Variants in RALGAPA1 observed in about 807,000 individuals in gnomAD.
RALGAPA1 encodes the protein ral GTPase-activating protein subunit alpha-1.
In RALGAPA1, 52 loss-of-function variants were observed where a neutral mutation model predicts 269.6. The ratio of observed to expected loss-of-function variants is 0.19; its 90% CI spans 0.15 to 0.24. The LOEUF (loss-of-function observed/expected upper bound fraction) is 0.24. Ranked by LOEUF, RALGAPA1 falls within the 10% of genes least tolerant of loss-of-function variation. RALGAPA1 has a pLI of 1.00. For missense variants in RALGAPA1, 1,917 were observed against 3,013.9 expected (o/e 0.64, Z 8.52); for synonymous variants, 817 against 1,008.3 (o/e 0.81, Z 3.60).
At chr14:35,618,201 A>C (rs1594835717) in intron 35 of RALGAPA1, among the ~76,000 whole-genome samples, 1 of 152,254 alleles carries the variant, frequency 6.6e-6, no homozygotes, top group East Asian at 1.9e-4. Flanking sequence ...TAACTACATA[A>C]TCTGCTAATA....
At chr14:35,781,660 A>G (rs992689108) in intron 1 of RALGAPA1, among the ~76,000 whole-genome samples, 3 of 152,100 alleles carry the variant, frequency 2.0e-5, no homozygotes, top group Non-Finnish European at 4.4e-5. Context: ...TCATCCCAGA[A>G]GGCAAGGTTG....
At chr14:35,682,703 T>C (rs1039150018) in intron 21 of RALGAPA1, among the ~76,000 whole-genome samples, 15 of 152,202 alleles carry the variant, frequency 9.9e-5, no homozygotes, top group African/African-American at 3.1e-4. Context: ...TAAGTATCTT[T>C]TCATTTACAT....
At position 35,761,024 on chromosome 14, in the gene RALGAPA1, T is replaced by TA; in HGVS notation, c.370-19dup. ...CGCCTAATCTAAAATAAAATGAAAA[T>TA]AGACAGTATTTTTATTTATAATGGA... On this transcript the variant is annotated intron_variant, in intron 5 of 41. Transcript: ENST00000680220. 1 of 1,540,762 alleles carries TA rather than the reference T, an allele frequency of 6.5e-7. No homozygotes were observed. The highest frequency in any genetic ancestry group is 2.0e-5 in the Admixed American group (1 of 51,000).
intron 41 of RALGAPA1, among the ~76,000 whole-genome samples, chr14:35,540,325 T>C: frequency 6.6e-6 from 1 of 152,182 alleles, no homozygotes; most frequent in East Asian, 1.9e-4. Context: ...AAAGGCAAAC[T>C]GACTCCCCCA....
intron 1 of RALGAPA1, among the ~76,000 whole-genome samples, chr14:35,803,675 A>C (rs1301471399): frequency 1.3e-5 from 2 of 149,498 alleles, no homozygotes; most frequent in African/African-American, 5.0e-5. Context: ...TCTGTTACCC[A>C]GGCTAGGGTG....
intron 35 of RALGAPA1, among the ~76,000 whole-genome samples, chr14:35,621,351 C>G (rs2060613031): frequency 6.6e-6 from 1 of 152,118 alleles, no homozygotes; most frequent in Admixed American, 6.5e-5. Context: ...ACACCTTATA[C>G]AAAAATTAAT....
chr14:35,759,534 A>C (rs938698509), intron 6 of RALGAPA1, among the ~76,000 whole-genome samples: 1 of 152,124 alleles, frequency 6.6e-6, no homozygotes, highest in Non-Finnish European at 1.5e-5. Context: ...AGAATAAAGA[A>C]ATAACTTTAA....
At chr14:35,735,107 C>T (rs968852217) in intron 12 of RALGAPA1, among the ~76,000 whole-genome samples, 1 of 151,694 alleles carries the variant, frequency 6.6e-6, no homozygotes, top group Non-Finnish European at 1.5e-5. Context: ...TTTTACATTG[C>T]TGGTGGGGAT....
At chr14:35,554,338 CTTTTTTTT>C (rs869302363) in intron 39 of RALGAPA1, among the ~76,000 whole-genome samples, 6 of 85,764 alleles carry the variant, frequency 7.0e-5, no homozygotes, top group South Asian at 4.9e-4. Context: ...AATACACTTT[CTTTTTTTT>C]TTTTTTTTTT....
chr14:35,581,108 T>C (rs1362612183), intron 37 of RALGAPA1, among the ~76,000 whole-genome samples: 8 of 152,232 alleles, frequency 5.3e-5, no homozygotes, highest in East Asian at 1.9e-4. Flanking sequence ...AAAATACCAA[T>C]ACAGAAAGTG....
At chr14:35,769,437 T>C (rs544835516) in intron 4 of RALGAPA1, among the ~76,000 whole-genome samples, 21 of 152,052 alleles carry the variant, frequency 1.4e-4, no homozygotes, top group East Asian at 1.2e-3. Flanking sequence ...ATAATAGACA[T>C]TGGGAAGTAC....
At chr14:35,662,441 T>C (rs1322998380) in intron 27 of RALGAPA1, among the ~76,000 whole-genome samples, 1 of 152,232 alleles carries the variant, frequency 6.6e-6, no homozygotes. Context: ...ACTTCCCCTT[T>C]AAATCTTCAT....
intron 1 of RALGAPA1, among the ~76,000 whole-genome samples, chr14:35,801,813 C>A (rs772901165): frequency 1.3e-5 from 2 of 152,002 alleles, no homozygotes; most frequent in African/African-American, 4.8e-5. Flanking sequence ...TGAAAAAAAT[C>A]AATCGATTGC....
At chr14:35,590,572 C>T (rs1204274057) in intron 37 of RALGAPA1, among the ~76,000 whole-genome samples, 15 of 152,144 alleles carry the variant, frequency 9.9e-5, no homozygotes, top group Admixed American at 2.6e-4. Flanking sequence ...CGTGGCCTGC[C>T]GCCATGTAAG....
chr14:35,646,198 CATT>C (rs2062426631), intron 31 of RALGAPA1, among the ~76,000 whole-genome samples: 1 of 152,116 alleles, frequency 6.6e-6, no homozygotes, highest in Non-Finnish European at 1.5e-5. Flanking sequence ...TGGTAAGAGT[CATT>C]AATGATTAGC....
intron 31 of RALGAPA1, among the ~76,000 whole-genome samples, chr14:35,648,235 T>G (rs1370130099): frequency 2.6e-5 from 4 of 151,586 alleles, no homozygotes; most frequent in Non-Finnish European, 4.4e-5. Context: ...AGACGGAGGT[T>G]GCAATGAGCC....
intron 4 of RALGAPA1, chr14:35,767,246 C>T (rs568708009): frequency 5.1e-4 from 84 of 164,246 alleles, no homozygotes; most frequent in Non-Finnish European, 9.4e-4. Flanking sequence ...AATTGCCATA[C>T]ATTAATAATT....
chr14:35,734,153 C>T (rs1166768316), intron 12 of RALGAPA1, among the ~76,000 whole-genome samples: 2 of 152,018 alleles, frequency 1.3e-5, no homozygotes, highest in African/African-American at 4.8e-5. Flanking sequence ...AAATTCAATG[C>T]AATCTCTATC....
chr14:35,789,726 C>T (rs1198919335), intron 1 of RALGAPA1, among the ~76,000 whole-genome samples: 4 of 152,144 alleles, frequency 2.6e-5, no homozygotes, highest in African/African-American at 7.2e-5. Context: ...TTGGGGACCA[C>T]TGATATAAAG....
Sources: allele counts gnomAD v4.1 joint callset (sites outside exome capture counted in the v4.1 genomes callset), GRCh38; gene constraint gnomAD v4.1.1; transcripts MANE v1.5; gene names NCBI Gene and HGNC (gene_info 2026-07-23, HGNC 2026-07-21).